The following KLHL1 variants were observed in gnomAD, a reference collection of about 807,000 sequenced individuals.
KLHL1 encodes kelch-like protein 1.
A neutral mutation model predicts 77.7 loss-of-function variants in KLHL1; 47 were observed. That is an observed-to-expected ratio of 0.60 (90% CI 0.48 to 0.77). The LOEUF is 0.77. Among genes scored for constraint, KLHL1 ranks in the 30% least tolerant of loss-of-function variants. KLHL1 has a pLI of 0.00. For missense variants in KLHL1, 925 were observed against 910.8 expected, an observed-to-expected ratio of 1.02 and a Z score of -0.20; for synonymous variants, 360 against 325.2, an observed-to-expected ratio of 1.11 and a Z score of -1.15.
At chr13:70,010,487 G>T (rs971331788) in intron 1 of KLHL1, among the ~76,000 whole-genome samples, 2 of 152,114 alleles carry the variant, frequency 1.3e-5, no homozygotes, top group African/African-American at 4.8e-5. Flanking sequence ...TTATTCAAAG[G>T]TTTTTGAATT....
In KLHL1 at chr13:70,107,314, A is replaced by G; in HGVS notation, c.386T>C (p.Val129Ala). ...LFYVESLEEE[V>A]VPGMDFPGPH... ...TCCAGGAAAGTCCATGCCTGGCACCACCTCCTCCTCTAGTGACTCCACGTA... is the reference window on the plus strand; with the variant it reads ...TCCAGGAAAGTCCATGCCTGGCACCGCCTCCTCCTCTAGTGACTCCACGTA... The change falls in exon 1 of 11, where the codon GTG (valine) becomes GCG (alanine). Residue 129 changes from valine (V) to alanine (A), a missense_variant. By Grantham distance (64) the Val-to-Ala change is moderately conservative (BLOSUM62 0). Coordinates refer to ENST00000377844, the MANE Select transcript of KLHL1 (RefSeq NM_020866.3). 2 of 1,613,822 alleles carry G rather than the reference A, an allele frequency of 1.2e-6. No individual in the cohort carries two copies. Among genetic ancestry groups the G allele is most frequent in the Non-Finnish European group, 1.7e-6 (2 of 1,179,978 alleles).
chr13:69,729,083 G>A (rs1389688527), intron 8 of KLHL1, among the ~76,000 whole-genome samples: 1 of 152,026 alleles, frequency 6.6e-6, no homozygotes, highest in East Asian at 1.9e-4. Flanking sequence ...TACCAAAGAA[G>A]AAACAAAAAT....
intron 7 of KLHL1, among the ~76,000 whole-genome samples, chr13:69,771,479 G>A (rs1252633507): frequency 1.3e-5 from 2 of 152,164 alleles, no homozygotes; most frequent in East Asian, 3.9e-4. Flanking sequence ...TAGATGTAAG[G>A]GCCAAGGTTA....
At chr13:69,711,694 G>A (rs1171194259) in intron 9 of KLHL1, among the ~76,000 whole-genome samples, 2 of 152,010 alleles carry the variant, frequency 1.3e-5, no homozygotes, top group Non-Finnish European at 2.9e-5. Context: ...AGATGTTTTT[G>A]TACGTATGCA....
At chr13:70,106,162 G>A (rs1888051663) in intron 1 of KLHL1, among the ~76,000 whole-genome samples, 1 of 151,474 alleles carries the variant, frequency 6.6e-6, no homozygotes, top group Non-Finnish European at 1.5e-5. Context: ...ATAAGAAACT[G>A]ATTCAATCAA....
At chr13:69,977,484 T>G (rs1356710053) in intron 1 of KLHL1, among the ~76,000 whole-genome samples, 2 of 151,940 alleles carry the variant, frequency 1.3e-5, no homozygotes, top group African/African-American at 4.8e-5. Flanking sequence ...GATAAAAATA[T>G]AGAAAACAAA....
chr13:69,801,293 G>A (rs966838844), intron 6 of KLHL1, among the ~76,000 whole-genome samples: 34 of 152,130 alleles, frequency 2.2e-4, no homozygotes, highest in African/African-American at 7.2e-4. Flanking sequence ...GACTGATTAA[G>A]AGGAGGCAGA....
intron 1 of KLHL1, among the ~76,000 whole-genome samples, chr13:69,991,260 C>A (rs191228899): frequency 2.0e-5 from 3 of 151,616 alleles, no homozygotes; most frequent in African/African-American, 7.3e-5. Flanking sequence ...AAAACAAGAG[C>A]GAACCAACCC....
chr13:69,894,443 CA>C (rs1309363743), intron 4 of KLHL1: 1 of 165,634 alleles, frequency 6.0e-6, no homozygotes, highest in Non-Finnish European at 1.3e-5. Flanking sequence ...CAAATCCATC[CA>C]ACTGGTTCAA....
Position 69,877,798 on chromosome 13 carries a change from C to T in KLHL1, c.1227+4485G>A, listed in dbSNP as rs1880823654. 2.0e-5 allele frequency among the ~76,000 whole-genome samples: 3 copies of T among 152,082 alleles called. No individual in the cohort carries two copies. The South Asian group carries it at 6.2e-4, about 31-fold the overall frequency. ...ATACCTTGTCTTCCTTTCCTGAGCT[C>T]CTTTTGTCTACACTGCTCTTATCTG... On this transcript the variant is annotated intron_variant, in intron 5 of 10. Transcript: ENST00000377844.
In KLHL1 at chr13:69,894,908, G is replaced by A. The variant is rs77137157; in HGVS notation, c.1015-12413C>T. The A allele has an allele frequency of 3.9e-5, 16 of 408,318 alleles. No homozygotes were observed. In the East Asian group the frequency reaches 5.9e-4, roughly 15 times the overall value. The allele number at this position is 408,318 out of a possible 1,614,324, so 25.3% of individuals were successfully genotyped here. ...ACCTCTATCATGGCATGCACCTTGCGGTTGAGCAGAACCAAGCAGCTTGGT... is the reference window on the plus strand; with the variant it reads ...ACCTCTATCATGGCATGCACCTTGCAGTTGAGCAGAACCAAGCAGCTTGGT... On this transcript the variant is annotated intron_variant, in intron 4 of 10. Coordinates refer to ENST00000377844, the MANE Select transcript of KLHL1 (RefSeq NM_020866.3).
intron 8 of KLHL1, among the ~76,000 whole-genome samples, chr13:69,724,111 A>G (rs1873191986): frequency 9.9e-5 from 15 of 152,134 alleles, no homozygotes; most frequent in Admixed American, 9.8e-4. Context: ...CTGGGATTAC[A>G]GTCGTGAGAT....
chr13:69,844,326 T>C (rs1188749153), intron 5 of KLHL1, among the ~76,000 whole-genome samples: 6 of 151,676 alleles, frequency 4.0e-5, no homozygotes, highest in African/African-American at 1.4e-4. Context: ...TATGCTGTAT[T>C]CAAATACTAT....
chr13:69,787,837 G>T (rs1876639633), intron 7 of KLHL1, among the ~76,000 whole-genome samples: 1 of 152,108 alleles, frequency 6.6e-6, no homozygotes, highest in African/African-American at 2.4e-5. Flanking sequence ...CCATCAAAAA[G>T]TGGGCAAATG....
Position 69,992,441 on chromosome 13 carries a change from C to T in KLHL1, c.498-16639G>A, listed in dbSNP as rs146975224. 3.3e-3 allele frequency among the ~76,000 whole-genome samples: 508 copies of T among 152,016 alleles called. 3 individuals carry two copies. Among genetic ancestry groups the T allele is most frequent in the African/African-American group, 0.012 (482 of 41,526 alleles). Reference sequence around the variant, plus strand: ...AAGGAAGCTGAACCACCTGAATTTGCATACAGATTGTATAAATAGAAGGAA... The same window carrying T: ...AAGGAAGCTGAACCACCTGAATTTGTATACAGATTGTATAAATAGAAGGAA... On this transcript the variant is annotated intron_variant, in intron 1 of 10. Coordinates refer to ENST00000377844, the MANE Select transcript of KLHL1 (RefSeq NM_020866.3).
chr13:69,998,200 T>C (rs1885204175), intron 1 of KLHL1, among the ~76,000 whole-genome samples: 1 of 152,100 alleles, frequency 6.6e-6, no homozygotes, highest in South Asian at 2.1e-4. Flanking sequence ...GAGAAGCCTC[T>C]GCTTTAGGTC....
At chr13:69,814,283 A>G (rs970664264) in intron 6 of KLHL1, among the ~76,000 whole-genome samples, 9 of 152,170 alleles carry the variant, frequency 5.9e-5, no homozygotes, top group Admixed American at 5.9e-4. Context: ...ACCTCAAACC[A>G]TAAAAATCAT....
At chr13:69,914,856 G>A (rs149290931) in intron 4 of KLHL1, among the ~76,000 whole-genome samples, 1 of 152,194 alleles carries the variant, frequency 6.6e-6, no homozygotes, top group African/African-American at 2.4e-5. Context: ...CAGCAAAATA[G>A]ATAAAAGATG....
At chr13:69,803,338 C>A (rs935835598) in intron 6 of KLHL1, among the ~76,000 whole-genome samples, 1 of 152,140 alleles carries the variant, frequency 6.6e-6, no homozygotes, top group Admixed American at 6.5e-5. Context: ...ATTACTTGCA[C>A]AGCATCTCTC....
Sources: allele counts gnomAD v4.1 joint callset (sites outside exome capture counted in the v4.1 genomes callset), GRCh38; gene constraint gnomAD v4.1.1; transcripts MANE v1.5; gene names NCBI Gene and HGNC (gene_info 2026-07-23, HGNC 2026-07-21).